Variants in PTPRD observed in about 807,000 individuals in gnomAD.
PTPRD encodes protein tyrosine phosphatase receptor type D.
A neutral mutation model predicts 214.5 loss-of-function variants in PTPRD; 34 were observed. The ratio of observed to expected loss-of-function variants is 0.16; its 90% CI spans 0.12 to 0.21. The LOEUF is 0.21. PTPRD is among the 10% of genes least tolerant of loss of function. The pLI is 1.00. For missense variants in PTPRD, 2,545 were observed against 2,398.7 expected (o/e 1.06, Z -1.27); for synonymous variants, 1,128 against 845.7 (o/e 1.33, Z -5.79).
Position 8,485,841 on chromosome 9 carries a change from TA to T in PTPRD, c.2975del (p.Val992GlufsTer38). On this transcript the variant is annotated frameshift_variant, in exon 28 of 46. Coordinates refer to ENST00000381196, the MANE Select transcript of PTPRD (RefSeq NM_002839.4). LOFTEE classifies it high-confidence loss of function. The stretch of plus-strand genomic sequence containing the variant: ...CTTTGCTCGTATGAGCACGTACTTT[TA>T]CATCGTATGTGGTATCTGGTTTTAA... The part of the protein sequence containing the change: ...TGLKPDTTYD[V>X]KVRAHTSKGP... 1.2e-6 allele frequency: 2 copies of T among 1,614,178 alleles called. No homozygotes were observed. The highest frequency in any genetic ancestry group is 1.7e-6 in the Non-Finnish European group (2 of 1,180,018).
At chr9:10,479,628 C>CATAA (rs879459258) in intron 2 of PTPRD, among the ~76,000 whole-genome samples, 99 of 101,776 alleles carry the variant, frequency 9.7e-4, no homozygotes, top group African/African-American at 3.3e-3. Flanking sequence ...AAAAAGAAAA[C>CATAA]ATAAATAAAT....
At chr9:9,792,147 T>G (rs1479525028) in intron 5 of PTPRD, among the ~76,000 whole-genome samples, 1 of 152,202 alleles carries the variant, frequency 6.6e-6, no homozygotes, top group East Asian at 1.9e-4. Flanking sequence ...TACTCTTTAT[T>G]TTTTTCACAG....
intron 7 of PTPRD, among the ~76,000 whole-genome samples, chr9:9,613,147 T>TATATAC (rs1354963187): frequency 1.2e-5 from 1 of 82,318 alleles, no homozygotes; most frequent in Non-Finnish European, 3.2e-5. Flanking sequence ...TATATATATA[T>TATATAC]ATATATATAT....
At chr9:9,325,540 T>A (rs1374349737) in intron 9 of PTPRD, among the ~76,000 whole-genome samples, 1 of 152,138 alleles carries the variant, frequency 6.6e-6, no homozygotes, top group Admixed American at 6.6e-5. Flanking sequence ...GCACATTGAT[T>A]TTGTATCCTG....
At chr9:10,038,489 C>T (rs565252531) in intron 3 of PTPRD, among the ~76,000 whole-genome samples, 13 of 152,164 alleles carry the variant, frequency 8.5e-5, no homozygotes, top group African/African-American at 2.9e-4. Context: ...TGATTAAGCA[C>T]TTATAATGTA....
intron 21 of PTPRD, among the ~76,000 whole-genome samples, chr9:8,512,883 A>G (rs1470161540): frequency 6.6e-6 from 1 of 151,968 alleles, no homozygotes; most frequent in East Asian, 1.9e-4. Flanking sequence ...TTGAGATTTA[A>G]CTTACTACTT....
At chr9:10,271,565 C>T (rs1328001299) in intron 3 of PTPRD, among the ~76,000 whole-genome samples, 12 of 122,586 alleles carry the variant, frequency 9.8e-5, no homozygotes, top group East Asian at 4.9e-4. Flanking sequence ...TTTTTTGAGA[C>T]GGAATCTTGC....
At chr9:10,555,909 A>G (rs1032401186) in intron 2 of PTPRD, among the ~76,000 whole-genome samples, 1 of 152,182 alleles carries the variant, frequency 6.6e-6, no homozygotes, top group Non-Finnish European at 1.5e-5. Flanking sequence ...GGGGCAGAAG[A>G]ATAAAGAGCG....
intron 8 of PTPRD, among the ~76,000 whole-genome samples, chr9:9,522,923 CAGA>C (rs2097022904): frequency 1.3e-5 from 2 of 152,074 alleles, no homozygotes; most frequent in Admixed American, 6.6e-5. Context: ...CTGCTTTGCA[CAGA>C]AGATTTGACA....
chr9:8,548,019 T>A (rs990438257), intron 14 of PTPRD, among the ~76,000 whole-genome samples: 18 of 152,102 alleles, frequency 1.2e-4, no homozygotes, highest in Admixed American at 1.2e-3. Flanking sequence ...ACACAGAAAA[T>A]GTGTCAACTA....
At chr9:9,485,824 T>G (rs921522919) in intron 8 of PTPRD, among the ~76,000 whole-genome samples, 1 of 152,150 alleles carries the variant, frequency 6.6e-6, no homozygotes, top group Non-Finnish European at 1.5e-5. Context: ...CACTAGACCC[T>G]TCCCATCAGT....
rs2091173554 is a variant in PTPRD, at chr9:9,940,567, TACA to T, written c.-471-1960_-471-1958del. 3.9e-5 allele frequency among the ~76,000 whole-genome samples: 6 copies of T among 152,296 alleles called. No individual in the cohort carries two copies. The South Asian group carries it at 1.2e-3, about 32-fold the overall frequency. On this transcript the variant is annotated intron_variant, in intron 4 of 45. Coordinates refer to ENST00000381196, the MANE Select transcript of PTPRD (RefSeq NM_002839.4). ...TTATAAATCTTGATATCATTATCTG[TACA>T]ACAGAGATAATACATTCTTCTGAGT...
intron 2 of PTPRD, among the ~76,000 whole-genome samples, chr9:10,453,444 TG>T (rs1218627696): frequency 6.6e-6 from 1 of 151,818 alleles, no homozygotes; most frequent in East Asian, 1.9e-4. Flanking sequence ...TTCACAACCA[TG>T]GGATTTCTTT....
chr9:8,435,267 A>C (rs1445744403), intron 35 of PTPRD, among the ~76,000 whole-genome samples: 3 of 152,138 alleles, frequency 2.0e-5, no homozygotes, highest in African/African-American at 7.2e-5. Context: ...GTTCTCTTAC[A>C]TGGAGCTTCT....
chr9:10,010,602 T>G (rs767594223), intron 4 of PTPRD, among the ~76,000 whole-genome samples: 3 of 151,818 alleles, frequency 2.0e-5, no homozygotes, highest in Non-Finnish European at 2.9e-5. Flanking sequence ...AGTTGTATAC[T>G]CAACTCAGTT....
intron 14 of PTPRD, among the ~76,000 whole-genome samples, chr9:8,598,883 G>A (rs2094628701): frequency 6.6e-6 from 1 of 152,144 alleles, no homozygotes. Context: ...AAGCAAAATA[G>A]CAAAAGATAC....
At chr9:9,557,909 C>T (rs148021033) in intron 8 of PTPRD, among the ~76,000 whole-genome samples, 3 of 152,188 alleles carry the variant, frequency 2.0e-5, no homozygotes, top group Admixed American at 6.5e-5. Flanking sequence ...CTCTCTTACA[C>T]AGCTTACTTA....
intron 21 of PTPRD, among the ~76,000 whole-genome samples, chr9:8,517,623 C>G (rs2097804466): frequency 6.6e-6 from 1 of 152,074 alleles, no homozygotes; most frequent in South Asian, 2.1e-4. Context: ...CATTCCCATA[C>G]AAATTAAAAA....
chr9:8,344,056 G>T (rs1472717592), intron 39 of PTPRD, among the ~76,000 whole-genome samples: 3 of 151,014 alleles, frequency 2.0e-5, no homozygotes, highest in Non-Finnish European at 2.9e-5. Flanking sequence ...GCAGTTAAAG[G>T]AACCTAAGTC....
Sources: gnomAD v4.1 joint callset for allele counts (sites outside exome capture counted in the v4.1 genomes callset) on GRCh38, gnomAD v4.1.1 for gene constraint, MANE v1.5 for transcripts, NCBI Gene and HGNC (gene_info 2026-07-23, HGNC 2026-07-21) for gene names.